CNTN5: variants seen among roughly 807,000 people sequenced by gnomAD.
CNTN5 encodes the protein contactin 5.
A neutral mutation model predicts 129.1 loss-of-function variants in CNTN5; 77 were observed. That is an observed-to-expected ratio of 0.60 (90% CI 0.50 to 0.72). The LOEUF (loss-of-function observed/expected upper bound fraction) is 0.72. CNTN5 is among the 30% of genes least tolerant of loss of function. CNTN5 has a pLI of 0.00. For synonymous variants in CNTN5, 509 were observed against 465.6 expected, an observed-to-expected ratio of 1.09 and a Z score of -1.20; for missense variants, 1,478 against 1,328.8, an observed-to-expected ratio of 1.11 and a Z score of -1.75.
chr11:99,518,994 C>G (rs1947166602), intron 2 of CNTN5, among the ~76,000 whole-genome samples: 1 of 152,012 alleles, frequency 6.6e-6, no homozygotes, highest in Middle Eastern at 3.2e-3. Context: ...AAACTCAAAC[C>G]TAAGCATGTT....
chr11:100,002,783 C>T (rs1939954725), intron 9 of CNTN5, among the ~76,000 whole-genome samples: 1 of 152,004 alleles, frequency 6.6e-6, no homozygotes, highest in Non-Finnish European at 1.5e-5. Context: ...AGATCAGAGG[C>T]AGAAGTGGAA....
chr11:99,190,933 G>A (rs770129343), intron 1 of CNTN5, among the ~76,000 whole-genome samples: 14 of 151,506 alleles, frequency 9.2e-5, no homozygotes, highest in Non-Finnish European at 1.3e-4. Flanking sequence ...GTCTTAGAGG[G>A]ATAGCTTTCA....
intron 13 of CNTN5, among the ~76,000 whole-genome samples, chr11:100,170,653 G>C (rs2138406095): frequency 6.6e-6 from 1 of 152,066 alleles, no homozygotes; most frequent in South Asian, 2.1e-4. Flanking sequence ...CACTGAGCAT[G>C]TTTTATATTC....
rs576165830 is a variant in CNTN5, at chr11:100,113,499, A to G, written c.1580+39205A>G. On this transcript the variant is annotated intron_variant, in intron 13 of 24. Transcript: ENST00000524871. Reference sequence around the variant, plus strand: ...GAAAGAAAAAGAAAAAAACAAGCAAACAAACAAACAAAAAACTTTGAAAAG... The same window carrying G: ...GAAAGAAAAAGAAAAAAACAAGCAAGCAAACAAACAAAAAACTTTGAAAAG... Among the ~76,000 whole-genome samples the G allele has an allele frequency of 7.9e-5, 12 of 151,032 alleles. No individual in the cohort carries two copies. In the South Asian group the frequency reaches 1.2e-3, roughly 16 times the overall value.
chr11:99,602,357 T>A (rs1279319767), intron 3 of CNTN5, among the ~76,000 whole-genome samples: 2 of 152,126 alleles, frequency 1.3e-5, no homozygotes, highest in Non-Finnish European at 2.9e-5. Context: ...ACTTGTTAAC[T>A]TAGTGAATTC....
chr11:99,844,395 TA>T (rs1422285731), intron 4 of CNTN5, among the ~76,000 whole-genome samples: 1 of 152,092 alleles, frequency 6.6e-6, no homozygotes, highest in Non-Finnish European at 1.5e-5. Flanking sequence ...ATGAAGAATA[TA>T]AAAAAATGCA....
chr11:100,007,134 T>C (rs1940245068), intron 9 of CNTN5, among the ~76,000 whole-genome samples: 1 of 152,088 alleles, frequency 6.6e-6, no homozygotes, highest in Non-Finnish European at 1.5e-5. Context: ...CTTAAAATAT[T>C]TAGTAAACCA....
chr11:100,039,701 T>G (rs924185941), intron 9 of CNTN5, among the ~76,000 whole-genome samples: 8 of 152,170 alleles, frequency 5.3e-5, no homozygotes, highest in African/African-American at 1.9e-4. Flanking sequence ...CTTGTCTTCT[T>G]GCTTCATTTC....
At chr11:99,194,883 G>A (rs1477511644) in intron 1 of CNTN5, among the ~76,000 whole-genome samples, 1 of 152,146 alleles carries the variant, frequency 6.6e-6, no homozygotes, top group Non-Finnish European at 1.5e-5. Context: ...AGGATTACAG[G>A]TGTGAGCCAC....
At chr11:100,134,949 C>T (rs1946478273) in intron 13 of CNTN5, among the ~76,000 whole-genome samples, 1 of 152,002 alleles carries the variant, frequency 6.6e-6, no homozygotes. Flanking sequence ...TCTTTTTATA[C>T]TTAGAATTTA....
rs528472923 is a variant in CNTN5 at position 100,061,075 on chromosome 11, A to G, written c.981-137A>G. ...ACAACCCACGTGGAAAGTGAAATATATCAACCAGCACATGGTCCTTAATTG... is the reference window on the plus strand; with the variant it reads ...ACAACCCACGTGGAAAGTGAAATATGTCAACCAGCACATGGTCCTTAATTG... On this transcript the variant is annotated intron_variant, in intron 9 of 24. Coordinates refer to ENST00000524871, the MANE Select transcript of CNTN5 (RefSeq NM_014361.4). 9 of 562,150 alleles carry G rather than the reference A, an allele frequency of 1.6e-5. No homozygotes were observed. In the South Asian group the frequency reaches 2.8e-4, roughly 17 times the overall value. The allele number at this position is 562,150 out of a possible 1,614,324, so 34.8% of individuals were successfully genotyped here.
intron 2 of CNTN5, among the ~76,000 whole-genome samples, chr11:99,517,449 T>C (rs1386736283): frequency 1.3e-5 from 2 of 152,052 alleles, no homozygotes; most frequent in East Asian, 1.9e-4. Context: ...ACTCCGAAAT[T>C]CTTGGCAAGC....
intron 13 of CNTN5, among the ~76,000 whole-genome samples, chr11:100,176,167 C>G (rs562590621): frequency 2.0e-5 from 3 of 151,740 alleles, no homozygotes; most frequent in Non-Finnish European, 4.4e-5. Context: ...TTACAGGCAC[C>G]TGCCACCATG....
chr11:99,608,619 A>G (rs990664558), intron 3 of CNTN5, among the ~76,000 whole-genome samples: 14 of 152,184 alleles, frequency 9.2e-5, no homozygotes, highest in African/African-American at 3.4e-4. Context: ...TAACATAGTC[A>G]TCTACAAGCC....
At chr11:99,285,889 T>C (rs1424976852) in intron 1 of CNTN5, among the ~76,000 whole-genome samples, 1 of 151,768 alleles carries the variant, frequency 6.6e-6, no homozygotes, top group African/African-American at 2.4e-5. Context: ...AATACAAAAA[T>C]TAGCCAGGTG....
chr11:99,842,836 T>G (rs573539966), intron 4 of CNTN5, among the ~76,000 whole-genome samples: 3 of 152,228 alleles, frequency 2.0e-5, no homozygotes, highest in Non-Finnish European at 4.4e-5. Context: ...TTTATTTTTC[T>G]TTTCCTTATT....
chr11:99,685,192 T>C (rs559569680), intron 3 of CNTN5, among the ~76,000 whole-genome samples: 1 of 151,720 alleles, frequency 6.6e-6, no homozygotes, highest in South Asian at 2.1e-4. Context: ...AAATTTCAAG[T>C]GATTACTTTC....
intron 15 of CNTN5, among the ~76,000 whole-genome samples, chr11:100,200,894 T>C (rs1440042128): frequency 1.3e-5 from 2 of 152,004 alleles, no homozygotes; most frequent in Non-Finnish European, 1.5e-5. Flanking sequence ...GTATATGTTT[T>C]CTCTTTCTGA....
chr11:99,126,262 G>A (rs562689336), intron 1 of CNTN5, among the ~76,000 whole-genome samples: 1 of 152,230 alleles, frequency 6.6e-6, no homozygotes, highest in African/African-American at 2.4e-5. Context: ...CGTATGTCAT[G>A]TTGAACAGTA....
Sources: allele counts gnomAD v4.1 joint callset (sites outside exome capture counted in the v4.1 genomes callset), GRCh38; gene constraint gnomAD v4.1.1; transcripts MANE v1.5; gene names NCBI Gene and HGNC (gene_info 2026-07-23, HGNC 2026-07-21).